Variants in BROX observed in about 807,000 individuals in gnomAD.
BROX encodes the protein BRO1 domain and CAAX motif containing.
In BROX, 53 loss-of-function variants were observed where a neutral mutation model predicts 61.0. The ratio of observed to expected loss-of-function variants is 0.87; its 90% CI spans 0.70 to 1.09. BROX has a LOEUF of 1.09. Among genes scored for constraint, BROX ranks in the 50% least tolerant of loss-of-function variants. The probability of loss-of-function intolerance (pLI) is 0.00; values close to 1 mark genes in which losing one functional copy is unlikely to be tolerated. For synonymous variants in BROX, 152 were observed against 160.2 expected (o/e 0.95, Z 0.38); for missense variants, 489 against 472.0 (o/e 1.04, Z -0.33).
In BROX at chr1:222,732,738, C is replaced by G. The variant is rs759292345; in HGVS notation, c.*24C>G. 1 of 1,547,896 alleles carries G rather than the reference C, an allele frequency of 6.5e-7. No homozygotes were observed. The highest frequency in any genetic ancestry group is 8.9e-7 in the Non-Finnish European group (1 of 1,125,580). ...AAAATACAACTTGCACTTAGAATTTCTCTAGCAGTAAATAAGATAAACCAC... is the reference window on the plus strand; with the variant it reads ...AAAATACAACTTGCACTTAGAATTTGTCTAGCAGTAAATAAGATAAACCAC... On this transcript the variant is annotated 3_prime_UTR_variant, in exon 13 of 13. Coordinates refer to ENST00000340934, the MANE Select transcript of BROX (RefSeq NM_144695.4).
Position 222,733,784 on chromosome 1 carries a change from A to T in BROX, c.*1070A>T, listed in dbSNP as rs1390981347. On this transcript the variant is annotated 3_prime_UTR_variant, in exon 13 of 13. Coordinates refer to ENST00000340934, the MANE Select transcript of BROX (RefSeq NM_144695.4). ...TACTTAGAGGAAAGAACTTTGTAAT[A>T]GCTCTTAATGTTTATATATAAGAGA... 6.6e-6 allele frequency: 1 copy of T among 152,230 alleles called. No homozygotes were observed. The highest frequency in any genetic ancestry group is 1.5e-5 in the Non-Finnish European group (1 of 68,034). 9.4% of individuals were successfully genotyped at this position (152,230 alleles called of 1,614,324 possible). A position where few individuals can be genotyped will look rare whatever the true frequency, so the allele number is the denominator to read the frequency against.
chr1:222,729,083 A>G (rs1364233667), intron 9 of BROX, among the ~76,000 whole-genome samples: 1 of 152,188 alleles, frequency 6.6e-6, no homozygotes, highest in African/African-American at 2.4e-5. Flanking sequence ...AGCATACTTA[A>G]TGAAATTCTT....
Position 222,728,738 on chromosome 1 carries a change from T to A in BROX, c.671-5T>A, listed in dbSNP as rs1558236129. The A allele has an allele frequency of 6.4e-7, 1 of 1,571,136 alleles. No homozygotes were observed. Among genetic ancestry groups the A allele is most frequent in the African/African-American group, 1.3e-5 (1 of 74,542 alleles). On this transcript the variant is annotated splice_region_variant and splice_polypyrimidine_tract_variant and intron_variant, in intron 8 of 12. Transcript: ENST00000340934. ...TATATTTTGCTTTTTAAAATGTAAC[T>A]TTAGATCATACTTTATCCAGTTTGG...
chr1:222,716,248 G>A (rs1656599774), intron 2 of BROX, among the ~76,000 whole-genome samples: 1 of 152,052 alleles, frequency 6.6e-6, no homozygotes, highest in Non-Finnish European at 1.5e-5. Flanking sequence ...ACAGGCACCT[G>A]CCACCACGCC....
chr1:222,717,770 C>T (rs1656746438), intron 2 of BROX: 1 of 152,180 alleles, frequency 6.6e-6, no homozygotes, highest in African/African-American at 2.4e-5. Flanking sequence ...ATCACTGCTA[C>T]CTTATAGTCT....
At chr1:222,715,268 A>G (rs1656504959) in intron 1 of BROX, 1 of 152,254 alleles carries the variant, frequency 6.6e-6, no homozygotes, top group South Asian at 2.1e-4. Flanking sequence ...ACCCACCCCC[A>G]GGTGATTTTT....
In BROX at chr1:222,733,199, G is replaced by A; in HGVS notation, c.*485G>A. On this transcript the variant is annotated 3_prime_UTR_variant, in exon 13 of 13. Coordinates refer to ENST00000340934, the MANE Select transcript of BROX (RefSeq NM_144695.4). ...GAATTAAAGTGATTCTCCTGCCTCA[G>A]CCTCCCGAGTAGCTGGGATTACAGG... The A allele has an allele frequency of 6.7e-6, 1 of 148,346 alleles. No homozygotes were observed. The highest frequency in any genetic ancestry group is 1.5e-5 in the Non-Finnish European group (1 of 68,254). 9.2% of individuals were successfully genotyped at this position (148,346 alleles called of 1,614,324 possible). A position where few individuals can be genotyped will look rare whatever the true frequency, so the allele number is the denominator to read the frequency against.
chr1:222,713,253 C>T lies in BROX; in HGVS notation c.-17+311C>T, dbSNP rs937610797. 7 of 986,050 alleles carry T rather than the reference C, an allele frequency of 7.1e-6. No individual in the cohort carries two copies. The African/African-American group carries it at 1.2e-4, about 17-fold the overall frequency. The allele number at this position is 986,050 out of a possible 1,614,324, so 61.1% of individuals were successfully genotyped here. A position where few individuals can be genotyped will look rare whatever the true frequency, so the allele number is the denominator to read the frequency against. On this transcript the variant is annotated intron_variant, in intron 1 of 12. Coordinates refer to ENST00000340934, the MANE Select transcript of BROX (RefSeq NM_144695.4). ...TGTCTGGCCACCTCTCCCGGGTTGA[C>T]AGTATCGGCTTTCCACAAAAATGCC... is the stretch of plus-strand genomic sequence containing the variant.
chr1:222,725,519 G>T lies in BROX; in HGVS notation c.544G>T (p.Ala182Ser). Reference protein sequence around the residue: ...GRDLESRLIEAYVIQCQAEAQ... With the variant: ...GRDLESRLIESYVIQCQAEAQ... ...AGATTTAGAGTCACGACTCATAGAA[G>T]CATACGTTATTCAATGTCAGGCTGA... The change falls in exon 7 of 13, where the codon GCA (alanine) becomes TCA (serine). Residue 182 changes from alanine (A) to serine (S), a missense_variant. Coordinates refer to ENST00000340934, the MANE Select transcript of BROX (RefSeq NM_144695.4). 5.0e-6 allele frequency: 8 copies of T among 1,612,886 alleles called. No homozygotes were observed. Among genetic ancestry groups the T allele is most frequent in the Non-Finnish European group, 6.8e-6 (8 of 1,179,416 alleles).
chr1:222,714,795 G>A (rs1385278483), intron 1 of BROX, among the ~76,000 whole-genome samples: 1 of 151,010 alleles, frequency 6.6e-6, no homozygotes, highest in Non-Finnish European at 1.5e-5. Flanking sequence ...GCCCAAGCTA[G>A]TCTCAAATTC....
chr1:222,718,606 AC>A (rs1464628949), intron 2 of BROX, among the ~76,000 whole-genome samples: 1 of 150,886 alleles, frequency 6.6e-6, no homozygotes, highest in Non-Finnish European at 1.5e-5. Context: ...TTTAATTAAA[AC>A]TTGACATATA....
chr1:222,725,477 C>T lies in BROX; in HGVS notation c.502C>T (p.Pro168Ser). Residue 168 changes from proline to serine, a missense_variant, in exon 7 of 13, where the codon CCT (proline) becomes TCT (serine). Coordinates refer to ENST00000340934, the MANE Select transcript of BROX (RefSeq NM_144695.4). The part of the protein sequence containing the change: ...KESHLPKLIT[P>S]AEKGRDLESR... ...AAGTCATCTCCCAAAACTCATTACA[C>T]CTGCGGAAAAAGGAAGAGATTTAGA... 1 of 1,611,906 alleles carries T rather than the reference C, an allele frequency of 6.2e-7. No homozygotes were observed. Among genetic ancestry groups the T allele is most frequent in the African/African-American group, 1.3e-5 (1 of 74,846 alleles).
chr1:222,730,093 A>G lies in BROX; in HGVS notation c.905A>G (p.Lys302Arg). The change falls in exon 11 of 13, where the codon AAA (lysine) becomes AGA (arginine). Residue 302 changes from lysine (K) to arginine (R), a missense_variant. Lys to Arg is a conservative substitution (Grantham distance 26). Coordinates refer to ENST00000340934, the MANE Select transcript of BROX (RefSeq NM_144695.4). ...ACCAAAGGACCTGGACCAACAGTCAAACCTTCAGGACATCTGTTCTTTAGG... is the reference window on the plus strand; with the variant it reads ...ACCAAAGGACCTGGACCAACAGTCAGACCTTCAGGACATCTGTTCTTTAGG... ...GETKGPGPTV[K>R]PSGHLFFRKL... 2 of 1,613,622 alleles carry G rather than the reference A, an allele frequency of 1.2e-6. No homozygotes were observed. Among genetic ancestry groups the G allele is most frequent in the Non-Finnish European group, 1.7e-6 (2 of 1,179,718 alleles).
chr1:222,725,028 C>T (rs761262324), intron 6 of BROX, among the ~76,000 whole-genome samples: 1 of 152,008 alleles, frequency 6.6e-6, no homozygotes, highest in South Asian at 2.1e-4. Flanking sequence ...CTCCTGACCT[C>T]GTGATTCACC....
At chr1:222,715,484 G>A (rs1443904082) in intron 1 of BROX, among the ~76,000 whole-genome samples, 200 bp from the exon 2 acceptor site, 2 of 152,154 alleles carry the variant, frequency 1.3e-5, no homozygotes, top group African/African-American at 4.8e-5. Flanking sequence ...AAGGCGGGTG[G>A]ATCACTTGAG....
At position 222,733,129 on chromosome 1, in the gene BROX, G is replaced by T. The variant is rs1344920217; in HGVS notation, c.*415G>T. ...GAGTCTCCCTCTGTTGCCCAGGCTG[G>T]AGTGCAGTGGCATGATCTCGGCTCA... On this transcript the variant is annotated 3_prime_UTR_variant, in exon 13 of 13. Coordinates refer to ENST00000340934, the MANE Select transcript of BROX (RefSeq NM_144695.4). 7.1e-6 allele frequency: 1 copy of T among 141,416 alleles called. No individual in the cohort carries two copies. Among genetic ancestry groups the T allele is most frequent in the African/African-American group, 2.7e-5 (1 of 37,006 alleles). The allele number at this position is 141,416 out of a possible 1,614,324, so 8.8% of individuals were successfully genotyped here.
At chr1:222,723,112 G>A (rs1482573239) in intron 5 of BROX, among the ~76,000 whole-genome samples, 1 of 152,170 alleles carries the variant, frequency 6.6e-6, no homozygotes, top group Non-Finnish European at 1.5e-5. Flanking sequence ...TGAAAATGAT[G>A]TCAAATTGTA....
chr1:222,723,055 CTG>C (rs1422373564), intron 5 of BROX, among the ~76,000 whole-genome samples: 2 of 152,288 alleles, frequency 1.3e-5, no homozygotes, highest in South Asian at 4.1e-4. Context: ...CAATAGGAAA[CTG>C]TCAATTTATG....
intron 4 of BROX, 48 bp downstream of exon 4, chr1:222,719,407 A>C (rs748061641): frequency 7.5e-7 from 1 of 1,331,160 alleles, no homozygotes; most frequent in South Asian, 1.2e-5. Flanking sequence ...TTTTGTAACT[A>C]TGTAGCCAGT....
Sources: gnomAD v4.1 joint callset for allele counts (sites outside exome capture counted in the v4.1 genomes callset) on GRCh38, gnomAD v4.1.1 for gene constraint, MANE v1.5 for transcripts, NCBI Gene and HGNC (gene_info 2026-07-23, HGNC 2026-07-21) for gene names.